Variants in TTN observed in about 807,000 individuals in gnomAD.
TTN encodes the protein titin, also known as connectin.
In TTN, 1,525 loss-of-function variants were observed where a neutral mutation model predicts 3,223.0. The ratio of observed to expected loss-of-function variants is 0.47; its 90% confidence interval spans 0.45 to 0.49. TTN has a LOEUF of 0.49. TTN is among the 20% of genes least tolerant of loss of function. TTN has a pLI of 0.00. For missense variants in TTN, 40,786 were observed against 43,424.0 expected, an observed-to-expected ratio of 0.94 and a Z score of 5.40; for synonymous variants, 14,094 against 15,161.0, an observed-to-expected ratio of 0.93 and a Z score of 5.17.
Position 178,554,504 on chromosome 2 carries a change from C to T in TTN, c.88843G>A (p.Gly29615Arg), listed in dbSNP as rs878880360. Residue 29615 changes from glycine (G) to arginine (R), a missense_variant, in exon 332 of 363, where the codon GGA (glycine) becomes AGA (arginine). Coordinates refer to ENST00000589042, the MANE Select transcript of TTN (RefSeq NM_001267550.2). ...TCAGATTCCAGTGGCTCGCCAATTC[C>T]ATATTTGTTCACGGCTCGGACCCGG... ...IFRVRAVNKY[G>R]IGEPLESDSV... is the part of the protein sequence containing the mutation. 2 of 1,613,138 alleles carry T rather than the reference C, an allele frequency of 1.2e-6. No homozygotes were observed. Among genetic ancestry groups the T allele is most frequent in the African/African-American group, 2.7e-5 (2 of 74,894 alleles).
chr2:178,743,593 A>G (rs1012408146), intron 47 of TTN, among the ~76,000 whole-genome samples: 1 of 151,954 alleles, frequency 6.6e-6, no homozygotes, highest in Non-Finnish European at 1.5e-5. Context: ...ATCCAGTAGG[A>G]CATAAAAACA....
rs761402182 is a variant in TTN, at chr2:178,547,321, G to A, written c.94220-16C>T. ...CTTGGTGGGACTAAATATAAACAAA[G>A]GTATTAAGTATGAATACAATTTTAT... On this transcript the variant is annotated splice_polypyrimidine_tract_variant and intron_variant, in intron 339 of 362. Transcript: ENST00000589042. 11 of 1,589,268 alleles carry A rather than the reference G, an allele frequency of 6.9e-6. No individual in the cohort carries two copies. Among genetic ancestry groups the A allele is most frequent in the Non-Finnish European group, 8.6e-6 (10 of 1,169,016 alleles).
In TTN at chr2:178,531,037, G is replaced by T. The variant is rs1380574216; in HGVS notation, c.105578C>A (p.Ala35193Asp). The change falls in exon 358 of 363, where the codon GCT becomes GAT. Residue 35193 changes from alanine to aspartate, a missense_variant. Transcript: ENST00000589042. Reference protein sequence around the residue: ...KSTFEISSVQASDEGNYSVVV... With the variant: ...KSTFEISSVQDSDEGNYSVVV... The stretch of plus-strand genomic sequence containing the variant: ...CACGCTGTAATTGCCCTCATCGGAA[G>T]CCTGGACTGAAGAGATCTCAAAGGT... The T allele has an allele frequency of 6.2e-7, 1 of 1,613,836 alleles. No homozygotes were observed. The highest frequency in any genetic ancestry group is 2.2e-5 in the East Asian group (1 of 44,896).
intron 6 of TTN, among the ~76,000 whole-genome samples, chr2:178,797,243 T>C (rs968983925): frequency 1.5e-4 from 21 of 138,268 alleles, no homozygotes; most frequent in African/African-American, 5.0e-4. Context: ...AGACTGAACA[T>C]TTTTTTTTAT....
At position 178,774,043 on chromosome 2, in the gene TTN, A is replaced by C. The variant is rs766510094; in HGVS notation, c.7125T>G (p.Leu2375=). The part of the protein sequence containing the change: ...QKVCEGDIVQ[L]EVKVSLESVE... ...CACTTTCCAAGGAGACTTTAACTTC[A>C]AGCTGAACAATGTCACCCTCACAGA... Residue 2375 remains leucine (L), a synonymous_variant, in exon 31 of 363, where the codon CTT becomes CTG. Coordinates refer to ENST00000589042, the MANE Select transcript of TTN (RefSeq NM_001267550.2). 6 of 1,614,058 alleles carry C rather than the reference A, an allele frequency of 3.7e-6. No homozygotes were observed. The South Asian group carries it at 4.4e-5, about 12-fold the overall frequency.
intron 136 of TTN, 50 bp downstream of exon 136, chr2:178,681,611 A>T (rs773689362): frequency 3.2e-6 from 5 of 1,554,100 alleles, no homozygotes; most frequent in Admixed American, 1.9e-5. Context: ...TAGGACAGAC[A>T]TGGAGGAAAC....
At position 178,531,627 on chromosome 2, in the gene TTN, G is replaced by T. The variant is rs3829748; in HGVS notation, c.104988C>A (p.Val34996=). 6.2e-7 allele frequency: 1 copy of T among 1,613,730 alleles called. No individual in the cohort carries two copies. Among genetic ancestry groups the T allele is most frequent in the Non-Finnish European group, 8.5e-7 (1 of 1,179,858 alleles). ...SKIHYTNTSG[V]LTLEILDCHT... ...GACAGTCCAGAATTTCCAGGGTGAGGACTCCACTCGTGTTGGTGTAATGAA... is the reference window on the plus strand; with the variant it reads ...GACAGTCCAGAATTTCCAGGGTGAGTACTCCACTCGTGTTGGTGTAATGAA... The change falls in exon 358 of 363, where the codon GTC becomes GTA. Residue 34996 remains valine, a synonymous_variant. Transcript: ENST00000589042.
Position 178,727,776 on chromosome 2 carries a change from G to A in TTN, c.19802C>T (p.Pro6601Leu). 6.2e-7 allele frequency: 1 copy of A among 1,613,110 alleles called. No homozygotes were observed. Residue 6601 changes from proline (P) to leucine (L), a missense_variant, in exon 68 of 363, where the codon CCA becomes CTA. Pro to Leu is a moderately conservative substitution (Grantham distance 98, BLOSUM62 -3). Coordinates refer to ENST00000589042, the MANE Select transcript of TTN (RefSeq NM_001267550.2). ...VEFKAILKGT[P>L]PFKIKWFKDD... ...CTTAAACCATTTTATTTTAAATGGTGGTGTTCCTTTTAGTATTGCCTTAAA... is the reference window on the plus strand; with the variant it reads ...CTTAAACCATTTTATTTTAAATGGTAGTGTTCCTTTTAGTATTGCCTTAAA...
At position 178,548,354 on chromosome 2, in the gene TTN, G is replaced by A; in HGVS notation, c.93272C>T (p.Ser31091Phe). 6.2e-7 allele frequency: 1 copy of A among 1,613,870 alleles called. No homozygotes were observed. Among genetic ancestry groups the A allele is most frequent in the Non-Finnish European group, 8.5e-7 (1 of 1,179,826 alleles). Residue 31091 changes from serine (S) to phenylalanine (F), a missense_variant, in exon 339 of 363, where the codon TCT becomes TTT. Physicochemically the swap from Ser to Phe is radical, Grantham distance 155 (BLOSUM62 -2). Coordinates refer to ENST00000589042, the MANE Select transcript of TTN (RefSeq NM_001267550.2). This position sits in a 1 kb window ranked among gnomAD's most constrained non-coding sequence, Gnocchi z 4.3. ...ACCAACACCATACTCATTTACTGCA[G>A]AAACACGGAAATAGTACGGAACACC... Reference protein sequence around the residue: ...AEGVPYYFRVSAVNEYGVGEP... With the variant: ...AEGVPYYFRVFAVNEYGVGEP...
chr2:178,576,140 G>A lies in TTN; in HGVS notation c.69992C>T (p.Pro23331Leu). The A allele has an allele frequency of 6.2e-7, 1 of 1,613,374 alleles. No homozygotes were observed. The highest frequency in any genetic ancestry group is 8.5e-7 in the Non-Finnish European group (1 of 1,179,580). ...DAGVGEPAVIPDVEIVEREMA... is the reference protein window; with the variant it reads ...DAGVGEPAVILDVEIVEREMA... ...CTCCCGTTCTACGATTTCAACATCTGGAATCACCGCTGGCTCCCCAACACC... is the reference window on the plus strand; with the variant it reads ...CTCCCGTTCTACGATTTCAACATCTAGAATCACCGCTGGCTCCCCAACACC... The change falls in exon 326 of 363, where the codon CCA becomes CTA. Residue 23331 changes from proline to leucine, a missense_variant. Transcript: ENST00000589042. The surrounding 1 kb of genome is among the most constrained non-coding windows in gnomAD (Gnocchi z 4.3).
chr2:178,694,051 A>T, intron 117 of TTN, 43 bp from the exon 118 acceptor site: 5 of 1,461,430 alleles, frequency 3.4e-6, no homozygotes, highest in Non-Finnish European at 4.7e-6. Context: ...TTTTTTTAGT[A>T]CAAGACATCA....
At position 178,532,169 on chromosome 2, in the gene TTN, C is replaced by T. The variant is rs2154134095; in HGVS notation, c.104446G>A (p.Glu34816Lys). ...TGTTTTGAGATTTCGTATTCTTCCT[C>T]AATTTCTGTTATTTCTGTCACTTCT... ...QREVTEITEI[E>K]EEYEISKHAQ... is the part of the protein sequence containing the mutation. The change falls in exon 358 of 363, where the codon GAG (glutamate) becomes AAG (lysine). Residue 34816 changes from glutamate to lysine, a missense_variant. Transcript: ENST00000589042. 1 of 1,613,692 alleles carries T rather than the reference C, an allele frequency of 6.2e-7. No individual in the cohort carries two copies. Among genetic ancestry groups the T allele is most frequent in the Non-Finnish European group, 8.5e-7 (1 of 1,179,836 alleles).
chr2:178,776,822 T>C lies in TTN; in HGVS notation c.5042A>G (p.His1681Arg), dbSNP rs1024416824. The change falls in exon 28 of 363, where the codon CAT becomes CGT. Residue 1681 changes from histidine to arginine, a missense_variant. By Grantham distance (29) the His-to-Arg change is conservative. Coordinates refer to ENST00000589042, the MANE Select transcript of TTN (RefSeq NM_001267550.2). ...EIAAPELEPL[H>R]LRYGQEQWEE... ...CCATTGCTCTTGGCCATATCGCAAA[T>C]GGAGGGGCTCCAGTTCTGGGGCTGC... The C allele has an allele frequency of 2.5e-6, 4 of 1,614,042 alleles. No individual in the cohort carries two copies. The African/African-American group carries it at 4.0e-5, about 16-fold the overall frequency.
rs890015887 is a variant in TTN, at chr2:178,682,688, T to G, written c.33094+9A>C. 1.9e-6 allele frequency: 3 copies of G among 1,601,990 alleles called. No individual in the cohort carries two copies. On this transcript the variant is annotated intron_variant, in intron 135 of 362. Coordinates refer to ENST00000589042, the MANE Select transcript of TTN (RefSeq NM_001267550.2). ...TAGTGTGGTTTTGAGTTTGCAGTTT[T>G]GCTCATACCTGTGATGTATTCTTCA...
chr2:178,721,341 T>A, intron 78 of TTN, 139 bp from the exon 79 acceptor site: 1 of 720,004 alleles, frequency 1.4e-6, no homozygotes, highest in Non-Finnish European at 1.9e-6. Context: ...GATTTTACAG[T>A]AAAATAAGTT....
Position 178,663,858 on chromosome 2 carries a change from A to G in TTN, c.36409T>C (p.Leu12137=). ...ACTTCAGGCTCTTTAGGAGGAGCCA[A>G]GGGCACTTTCTCTTCGCGGATAACC... is the stretch of plus-strand genomic sequence containing the variant. The part of the protein sequence containing the change: ...KEVIREEKVP[L]APPKEPEVPP... Residue 12137 remains leucine, a synonymous_variant, in exon 170 of 363, where the codon TTG becomes CTG. Transcript: ENST00000589042. 1 of 1,613,032 alleles carries G rather than the reference A, an allele frequency of 6.2e-7. No homozygotes were observed. The highest frequency in any genetic ancestry group is 8.5e-7 in the Non-Finnish European group (1 of 1,179,714).
chr2:178,787,235 T>C (rs2093245802), intron 13 of TTN, among the ~76,000 whole-genome samples: 1 of 152,134 alleles, frequency 6.6e-6, no homozygotes. Flanking sequence ...AAATGAGATT[T>C]TTCTGAGATG....
chr2:178,758,661 C>CA, intron 44 of TTN: 1 of 329,176 alleles, frequency 3.0e-6, no homozygotes. Context: ...ATTGAGAAAA[C>CA]AAATCTACCT....
chr2:178,774,664 T>A, intron 29 of TTN, 191 bp from the exon 30 acceptor site: 4 of 698,804 alleles, frequency 5.7e-6, no homozygotes, highest in Non-Finnish European at 9.1e-6. Context: ...TTTTTAAATA[T>A]TTTTGAAAGT....
Sources: allele counts gnomAD v4.1 joint callset (sites outside exome capture counted in the v4.1 genomes callset), GRCh38; gene constraint gnomAD v4.1.1; non-coding constraint Gnocchi (gnomAD v3.1); transcripts MANE v1.5; gene names NCBI Gene and HGNC (gene_info 2026-07-23, HGNC 2026-07-21).